Variants in NFASC observed in about 807,000 individuals in gnomAD.
The protein encoded by NFASC is neurofascin, also known as neurofascin homolog.
NFASC carries 43 observed loss-of-function variants against 147.5 expected under a neutral mutation model. The observed-to-expected ratio is 0.29, with a 90% CI of 0.23 to 0.38. The LOEUF is 0.38. Ranked by LOEUF, NFASC falls within the 10% of genes least tolerant of loss-of-function variation. The probability of loss-of-function intolerance (pLI) is 1.00; values close to 1 mark genes in which losing one functional copy is unlikely to be tolerated. For missense variants in NFASC, 1,320 were observed against 1,689.0 expected, an observed-to-expected ratio of 0.78 and a Z score of 3.83; for synonymous variants, 622 against 665.5, an observed-to-expected ratio of 0.93 and a Z score of 1.01.
intron 1 of NFASC, among the ~76,000 whole-genome samples, chr1:204,873,447 A>G (rs550302287): frequency 6.6e-6 from 1 of 152,304 alleles, no homozygotes; most frequent in East Asian, 1.9e-4. Context: ...AAGAAGCCCG[A>G]GAGAGAGAAA....
chr1:205,016,393 G>A lies in NFASC; in HGVS notation c.3577G>A (p.Asp1193Asn). 1 of 1,614,096 alleles carries A rather than the reference G, an allele frequency of 6.2e-7. No individual in the cohort carries two copies. Among genetic ancestry groups the A allele is most frequent in the Non-Finnish European group, 8.5e-7 (1 of 1,180,002 alleles). The change falls in exon 30 of 30, where the codon GAC becomes AAC. Residue 1193 changes from aspartate to asparagine, a missense_variant. Physicochemically the swap from Asp to Asn is conservative, Grantham distance 23. Coordinates refer to ENST00000339876, the MANE Select transcript of NFASC (RefSeq NM_001005388.3). This position sits in a 1 kb window ranked among gnomAD's most constrained non-coding sequence, Gnocchi z 5.1. Reference sequence around the variant, plus strand: ...GCAGGAGAGTGACGACAGCCTGGTGGACTATGGCGAGGGTGGCGAGGGTCA... The same window carrying A: ...GCAGGAGAGTGACGACAGCCTGGTGAACTATGGCGAGGGTGGCGAGGGTCA... ...KQQESDDSLV[D>N]YGEGGEGQFN...
At chr1:204,857,919 C>CTTTTTTTT (rs58996261) in intron 1 of NFASC, among the ~76,000 whole-genome samples, 20 of 122,538 alleles carry the variant, frequency 1.6e-4, no homozygotes, top group South Asian at 5.0e-4. Context: ...TCTTCTTCTT[C>CTTTTTTTT]TTTTTTTTTT....
intron 1 of NFASC, among the ~76,000 whole-genome samples, chr1:204,868,689 G>A (rs2077319273): frequency 6.6e-6 from 1 of 152,202 alleles, no homozygotes; most frequent in Admixed American, 6.5e-5. Flanking sequence ...GAACTGCAAA[G>A]CGATGGCTTC....
chr1:204,832,134 G>A (rs1558468931), intron 1 of NFASC, among the ~76,000 whole-genome samples: 1 of 137,000 alleles, frequency 7.3e-6, no homozygotes, highest in Admixed American at 7.9e-5. Context: ...GAGGGGTAAT[G>A]TTCTGTGTGA....
intron 1 of NFASC, among the ~76,000 whole-genome samples, chr1:204,916,722 G>GTTT (rs1553253129): frequency 7.9e-5 from 12 of 151,226 alleles, no homozygotes; most frequent in South Asian, 2.1e-4. Context: ...TTTTTTGTTT[G>GTTT]TTTGTTTTTT....
intron 8 of NFASC, among the ~76,000 whole-genome samples, chr1:204,961,120 C>G (rs955997401): frequency 1.3e-5 from 2 of 152,136 alleles, no homozygotes; most frequent in Admixed American, 6.5e-5. Context: ...CAATTTGAAC[C>G]CAGTTGCTGG....
chr1:204,978,342 A>G (rs962475324), intron 17 of NFASC, among the ~76,000 whole-genome samples: 1 of 152,118 alleles, frequency 6.6e-6, no homozygotes, highest in East Asian at 1.9e-4. Context: ...CATGCCCTAA[A>G]AAAGGTGCTG....
At chr1:204,874,361 G>C (rs1402221971) in intron 1 of NFASC, among the ~76,000 whole-genome samples, 4 of 152,190 alleles carry the variant, frequency 2.6e-5, no homozygotes, top group African/African-American at 7.2e-5. Context: ...GCTGCCTTTC[G>C]CCCCATTTTG....
intron 1 of NFASC, among the ~76,000 whole-genome samples, chr1:204,874,411 G>C (rs2078336407): frequency 1.3e-5 from 2 of 152,216 alleles, no homozygotes; most frequent in South Asian, 2.1e-4. Flanking sequence ...TGTACGCCAG[G>C]CTTCTGACTT....
intron 1 of NFASC, among the ~76,000 whole-genome samples, chr1:204,861,078 C>CTTTTTTTTT (rs1162020795): frequency 1.5e-5 from 1 of 68,948 alleles, no homozygotes; most frequent in Non-Finnish European, 2.5e-5. Context: ...ACTTGCTTTC[C>CTTTTTTTTT]TTTTTTTTTT....
chr1:204,944,361 C>T lies in NFASC; in HGVS notation c.46C>T (p.Leu16Phe). 1.2e-6 allele frequency: 2 copies of T among 1,613,466 alleles called. No homozygotes were observed. The highest frequency in any genetic ancestry group is 1.7e-6 in the Non-Finnish European group (2 of 1,179,662). Residue 16 changes from leucine to phenylalanine, a missense_variant, in exon 3 of 30, where the codon CTC becomes TTC. This residue lies in a region of NFASC where 981 missense variants were observed against 1,289.5 expected (regional missense o/e 0.76). Transcript: ENST00000339876. ...GCCCTGGGTCCATGCAGCCTTCCTC[C>T]TCTGCCTCCTCAGTCTTGGCGGAGC... ...PPPWVHAAFL[L>F]CLLSLGGAIE... is the part of the protein sequence containing the mutation.
rs952413726 is a variant in NFASC at position 205,020,363 on chromosome 1, T to C, written c.*3824T>C. 4 of 152,346 alleles carry C rather than the reference T, an allele frequency of 2.6e-5. 1 individual carries two copies. Among genetic ancestry groups the C allele is most frequent in the African/African-American group, 9.7e-5 (4 of 41,448 alleles). The allele number at this position is 152,346 out of a possible 1,614,324, so 9.4% of individuals were successfully genotyped here. ...ATACATACAGCAGACCACAACCCTGTTGCCAAGCAGTGCTTCCAAGGGATA... is the reference window on the plus strand; with the variant it reads ...ATACATACAGCAGACCACAACCCTGCTGCCAAGCAGTGCTTCCAAGGGATA... On this transcript the variant is annotated 3_prime_UTR_variant, in exon 30 of 30. Transcript: ENST00000339876.
At chr1:204,881,305 AGT>A (rs2080173416) in intron 1 of NFASC, among the ~76,000 whole-genome samples, 1 of 152,230 alleles carries the variant, frequency 6.6e-6, no homozygotes, top group Non-Finnish European at 1.5e-5. Flanking sequence ...CTGGGCATTA[AGT>A]GGCAGGTAGG....
At chr1:204,904,318 G>A (rs575569939) in intron 1 of NFASC, among the ~76,000 whole-genome samples, 3 of 152,172 alleles carry the variant, frequency 2.0e-5, no homozygotes, top group African/African-American at 7.2e-5. Flanking sequence ...GGCTGGTCTC[G>A]AACTCCCGGA....
chr1:205,000,208 G>A (rs1213102390), intron 25 of NFASC: 1 of 152,176 alleles, frequency 6.6e-6, no homozygotes, highest in Non-Finnish European at 1.5e-5. Flanking sequence ...ACTGAGGGCT[G>A]GTTGTCAAGG....
At chr1:204,988,133 AG>A (rs994321313) in intron 22 of NFASC, among the ~76,000 whole-genome samples, 1 of 152,210 alleles carries the variant, frequency 6.6e-6, no homozygotes, top group Non-Finnish European at 1.5e-5. Flanking sequence ...AAACTCAAAG[AG>A]CCAAATGTTG....
chr1:204,993,913 G>A (rs1314086788), intron 24 of NFASC: 1 of 419,376 alleles, frequency 2.4e-6, no homozygotes, highest in Non-Finnish European at 4.9e-6. Flanking sequence ...TTTCCCCATG[G>A]AACACTTGTC....
rs1306842870 is a variant in NFASC at position 204,981,959 on chromosome 1, T to A, written c.2409T>A (p.Ala803=). ...TGCCCTATGAGATCCGAGTCCAGGC[T>A]GAAAATGACTTCGGGAAGGGCCCTG... ...VYVPYEIRVQ[A]ENDFGKGPEP... is the part of the protein sequence containing the mutation. The change falls in exon 21 of 30, where the codon GCT becomes GCA. Residue 803 remains alanine, a synonymous_variant. Coordinates refer to ENST00000339876, the MANE Select transcript of NFASC (RefSeq NM_001005388.3). 6.2e-7 allele frequency: 1 copy of A among 1,607,324 alleles called. No homozygotes were observed. Among genetic ancestry groups the A allele is most frequent in the African/African-American group, 1.3e-5 (1 of 74,620 alleles).
chr1:204,970,897 G>C, intron 11 of NFASC, 150 bp downstream of exon 11: 3 of 930,786 alleles, frequency 3.2e-6, no homozygotes, highest in Non-Finnish European at 4.9e-6. Flanking sequence ...CATCTCTTCA[G>C]ACATCTCAAG....
Sources: gnomAD v4.1 joint callset for allele counts (sites outside exome capture counted in the v4.1 genomes callset) on GRCh38, gnomAD v4.1.1 for gene constraint, gnomAD v4.1.1 regional missense constraint, Gnocchi (gnomAD v3.1) non-coding constraint, MANE v1.5 for transcripts, NCBI Gene and HGNC (gene_info 2026-07-23, HGNC 2026-07-21) for gene names.